NPM3: variants seen among roughly 807,000 people sequenced by gnomAD.
NPM3 encodes the protein nucleophosmin/nucleoplasmin 3.
In NPM3, 12 loss-of-function variants were observed where a neutral mutation model predicts 18.1. The ratio of observed to expected loss-of-function variants is 0.66; its 90% CI spans 0.42 to 1.07. The LOEUF (loss-of-function observed/expected upper bound fraction) is 1.07. Among genes scored for constraint, NPM3 ranks in the 50% least tolerant of loss-of-function variants. NPM3 has a pLI of 0.00. For synonymous variants in NPM3, 116 were observed against 93.7 expected (o/e 1.24, Z -1.38); for missense variants, 274 against 232.1 (o/e 1.18, Z -1.17).
Position 101,783,240 on chromosome 10 carries a change from A to G in NPM3, c.118+33T>C, listed in dbSNP as rs2065157280. 35 of 1,477,688 alleles carry G rather than the reference A, an allele frequency of 2.4e-5. No homozygotes were observed. In the East Asian group the frequency reaches 7.6e-4, roughly 32 times the overall value. The allele number at this position is 1,477,688 out of a possible 1,614,324, so 91.5% of individuals were successfully genotyped here. A position where few individuals can be genotyped will look rare whatever the true frequency, so the allele number is the denominator to read the frequency against. On this transcript the variant is annotated intron_variant, in intron 1 of 5. Transcript: ENST00000370110. ...TCACATCCCTACCTCTTACCGCCCC[A>G]GTACCACCCTCAGCCTCTCCCTTCA...
chr10:101,783,245 C>T, intron 1 of NPM3, 28 bp downstream of exon 1: 2 of 1,507,506 alleles, frequency 1.3e-6, no homozygotes, highest in Non-Finnish European at 1.8e-6. Flanking sequence ...GCCCCAGTAC[C>T]ACCCTCAGCC....
chr10:101,782,842 G>A (rs754995429), exon 2 of NPM3: 1 of 1,614,108 alleles, frequency 6.2e-7, no homozygotes, highest in Non-Finnish European at 8.5e-7. Flanking sequence ...CCCTCACCAT[G>A]GTTAGTGCCA....
chr10:101,782,708 CA>C (rs1406628507), intron 2 of NPM3, 111 bp from the exon 3 acceptor site: 1 of 1,584,954 alleles, frequency 6.3e-7, no homozygotes, highest in Non-Finnish European at 8.6e-7. Flanking sequence ...TTCACCTGGC[CA>C]GGGGAGCCGC....
chr10:101,781,665 G>A (rs1451729572), intron 5 of NPM3, 33 bp from the exon 6 acceptor site: 7 of 1,557,402 alleles, frequency 4.5e-6, no homozygotes, highest in Non-Finnish European at 5.3e-6. Flanking sequence ...CAGCATTTAG[G>A]CCCTCACCTG....
At chr10:101,781,493 G>C in exon 6 of NPM3, 1 of 545,820 alleles carries the variant, frequency 1.8e-6, no homozygotes, top group South Asian at 2.5e-5. Context: ...TGGAGCACAG[G>C]CCCTCTCCTA....
intron 5 of NPM3, 36 bp from the exon 6 acceptor site, chr10:101,781,668 C>G: frequency 6.3e-7 from 1 of 1,577,974 alleles, no homozygotes; most frequent in Non-Finnish European, 8.6e-7. Context: ...CATTTAGGCC[C>G]TCACCTGCTT....
chr10:101,783,194 G>C (rs2065156636), intron 1 of NPM3, 79 bp downstream of exon 1: 1 of 1,150,036 alleles, frequency 8.7e-7, no homozygotes. Context: ...CCCACGCCTT[G>C]AAACCCTCCG....
exon 6 of NPM3, chr10:101,781,531 C>A: frequency 1.0e-5 from 3 of 298,810 alleles, no homozygotes; most frequent in Non-Finnish European, 1.9e-5. Context: ...CCCTCCCACC[C>A]AACCCCCACC....
exon 2 of NPM3, chr10:101,782,847 G>A: frequency 1.2e-6 from 2 of 1,614,136 alleles, no homozygotes; most frequent in Non-Finnish European, 1.7e-6. Flanking sequence ...ACCATGGTTA[G>A]TGCCAGCACG....
At chr10:101,781,984 G>A in intron 4 of NPM3, 130 bp from the exon 5 acceptor site, 1 of 1,495,246 alleles carries the variant, frequency 6.7e-7, no homozygotes, top group Non-Finnish European at 9.2e-7. Flanking sequence ...GGGCTAGGTG[G>A]GAAGAACCTC....
exon 2 of NPM3, chr10:101,782,881 T>C (rs960349025): frequency 6.2e-7 from 1 of 1,614,178 alleles, no homozygotes; most frequent in East Asian, 2.2e-5. Context: ...CCTCTTCCTC[T>C]ACCTTAAAGG....
chr10:101,781,828 C>T (rs376750518), exon 5 of NPM3: 5 of 1,614,176 alleles, frequency 3.1e-6, no homozygotes, highest in Non-Finnish European at 3.4e-6. Flanking sequence ...TCGCTCTCCT[C>T]CTCAGAAACA....
intron 4 of NPM3, 142 bp downstream of exon 4, chr10:101,782,116 C>T: frequency 1.1e-6 from 1 of 892,572 alleles, no homozygotes. Flanking sequence ...ATGTCATGCA[C>T]AGGGCACAGC....
chr10:101,783,248 C>A, intron 1 of NPM3, 25 bp downstream of exon 1: 1 of 1,531,468 alleles, frequency 6.5e-7, no homozygotes, highest in Non-Finnish European at 9.0e-7. Context: ...CCAGTACCAC[C>A]CTCAGCCTCT....
chr10:101,782,552 C>G, exon 3 of NPM3: 1 of 1,614,156 alleles, frequency 6.2e-7, no homozygotes, highest in Non-Finnish European at 8.5e-7. Flanking sequence ...CGGGCCACAA[C>G]TTCTACCACA....
At chr10:101,783,137 C>A (rs2065156134) in intron 1 of NPM3, 136 bp downstream of exon 1, 1 of 837,976 alleles carries the variant, frequency 1.2e-6, no homozygotes, top group Non-Finnish European at 1.9e-6. Context: ...GCTGTGCGTG[C>A]GAGGCCCCCT....
chr10:101,781,932 G>A (rs928523289), intron 4 of NPM3, 78 bp from the exon 5 acceptor site: 9 of 1,612,210 alleles, frequency 5.6e-6, no homozygotes. Flanking sequence ...TCTTCACGCC[G>A]TGGTGTTAGG....
chr10:101,782,408 A>T (rs1170971837), intron 3 of NPM3, 57 bp from the exon 4 acceptor site: 2 of 1,603,502 alleles, frequency 1.2e-6, no homozygotes, highest in Non-Finnish European at 8.5e-7. Flanking sequence ...CCACACTGTA[A>T]TGAGTGCTAA....
chr10:101,782,271 C>T (rs1302240392), exon 4 of NPM3: 2 of 1,613,734 alleles, frequency 1.2e-6, no homozygotes, highest in Non-Finnish European at 1.7e-6. Flanking sequence ...TCTGGTGCCG[C>T]CCAGTGATCC....
Sources: allele counts gnomAD v4.1 joint callset, GRCh38; gene constraint gnomAD v4.1.1; transcripts MANE v1.5; gene names NCBI Gene and HGNC (gene_info 2026-07-23, HGNC 2026-07-21).